The following GLMN variants were observed in gnomAD, a reference collection of about 807,000 sequenced individuals.
GLMN encodes glomulin, FKBP associated protein.
In GLMN, 75 loss-of-function variants were observed where a neutral mutation model predicts 87.8. That is an observed-to-expected ratio of 0.85 (90% CI 0.71 to 1.04). The LOEUF is 1.04. Ranked by LOEUF, GLMN falls within the 50% of genes least tolerant of loss-of-function variation. The pLI is 0.00. For missense variants in GLMN, 588 were observed against 658.8 expected, an observed-to-expected ratio of 0.89 and a Z score of 1.18; for synonymous variants, 206 against 221.6, an observed-to-expected ratio of 0.93 and a Z score of 0.63.
At chr1:92,288,620 G>T (rs921966126) in intron 6 of GLMN, among the ~76,000 whole-genome samples, 8 of 151,712 alleles carry the variant, frequency 5.3e-5, no homozygotes, top group Non-Finnish European at 1.0e-4. Flanking sequence ...TAGAGATGGG[G>T]GTCTCACTAT....
chr1:92,350,915 G>A, the GLMN span, among the ~76,000 whole-genome samples: 1 of 150,364 alleles, frequency 6.7e-6, no homozygotes, highest in Admixed American at 6.6e-5. Flanking sequence ...CTGGGCGACA[G>A]AGCAAGACTC....
chr1:92,313,512 A>G, the GLMN span, among the ~76,000 whole-genome samples: 1 of 151,262 alleles, frequency 6.6e-6, no homozygotes, highest in South Asian at 2.1e-4. Context: ...TGCTGTAAAC[A>G]GATGTGCAGT....
At chr1:92,257,852 G>A (rs1654466956) in intron 16 of GLMN, among the ~76,000 whole-genome samples, 1 of 152,006 alleles carries the variant, frequency 6.6e-6, no homozygotes, top group African/African-American at 2.4e-5. Context: ...CATAGACATG[G>A]GCAAAGACTT....
intron 16 of GLMN, among the ~76,000 whole-genome samples, chr1:92,254,987 A>C (rs1654027036): frequency 1.3e-5 from 2 of 152,182 alleles, no homozygotes; most frequent in African/African-American, 4.8e-5. Flanking sequence ...GTCAAGACCC[A>C]TCAGTGTGCT....
the GLMN span, among the ~76,000 whole-genome samples, chr1:92,306,904 TA>T: frequency 3.9e-5 from 6 of 152,186 alleles, no homozygotes; most frequent in African/African-American, 1.4e-4. Flanking sequence ...GAATATTTTT[TA>T]ATAGGGATAT....
At chr1:92,288,116 T>C (rs1328513161) in intron 6 of GLMN, among the ~76,000 whole-genome samples, 1 of 152,044 alleles carries the variant, frequency 6.6e-6, no homozygotes, top group Non-Finnish European at 1.5e-5. Flanking sequence ...GGACCAGCCA[T>C]ATGTCAAGTG....
At chr1:92,248,958 T>C (rs1219381573) in intron 16 of GLMN, among the ~76,000 whole-genome samples, 1 of 152,110 alleles carries the variant, frequency 6.6e-6, no homozygotes, top group East Asian at 1.9e-4. Flanking sequence ...CTTGGGGAAA[T>C]AAAGATGTAT....
At chr1:92,296,858 A>G (rs1027942925) in intron 3 of GLMN, among the ~76,000 whole-genome samples, 17 of 152,312 alleles carry the variant, frequency 1.1e-4, no homozygotes, top group Non-Finnish European at 2.1e-4. Flanking sequence ...TTGGTTTTCC[A>G]TACACATTTG....
At chr1:92,264,306 CCT>C (rs1429197996) in intron 14 of GLMN, among the ~76,000 whole-genome samples, 1 of 151,836 alleles carries the variant, frequency 6.6e-6, no homozygotes, top group Non-Finnish European at 1.5e-5. Flanking sequence ...GGCGTGAAAC[CCT>C]GTCTCAAAAA....
upstream of GLMN, among the ~76,000 whole-genome samples, chr1:92,299,727 C>T (rs982692967): frequency 2.6e-5 from 4 of 152,172 alleles, no homozygotes; most frequent in East Asian, 5.8e-4. Context: ...ACAAATTGCT[C>T]TCCCTTCCTA....
Position 92,246,518 on chromosome 1 carries a change from G to A in GLMN, c.*12C>T, listed in dbSNP as rs1557496208. ...CTATATTTTATTAGTTTTTATTTAGGAAATGGAACTTTCACTTTATCCCAA... is the reference window on the plus strand; with the variant it reads ...CTATATTTTATTAGTTTTTATTTAGAAAATGGAACTTTCACTTTATCCCAA... On this transcript the variant is annotated 3_prime_UTR_variant, in exon 19 of 19. Transcript: ENST00000370360. The A allele has an allele frequency of 2.8e-6, 3 of 1,072,854 alleles. No homozygotes were observed. Among genetic ancestry groups the A allele is most frequent in the Non-Finnish European group, 4.4e-6 (3 of 687,074 alleles). The allele number at this position is 1,072,854 out of a possible 1,614,324, so 66.5% of individuals were successfully genotyped here.
the GLMN span, among the ~76,000 whole-genome samples, chr1:92,320,368 G>A: frequency 1.3e-5 from 2 of 152,124 alleles, no homozygotes; most frequent in African/African-American, 4.8e-5. Flanking sequence ...TGTCTCCCTG[G>A]TTCAAGCGAT....
chr1:92,279,595 G>A (rs918504459), intron 7 of GLMN, among the ~76,000 whole-genome samples: 2 of 150,538 alleles, frequency 1.3e-5, no homozygotes, highest in African/African-American at 4.9e-5. Context: ...TCACCTCACT[G>A]GGACTGGTTG....
intron 11 of GLMN, 61 bp from the exon 12 acceptor site, chr1:92,266,802 A>C (rs1356258502): frequency 2.0e-6 from 2 of 998,112 alleles, no homozygotes; most frequent in Non-Finnish European, 3.2e-6. Context: ...CAAACAAACA[A>C]CTATAATACA....
At chr1:92,260,976 A>G (rs1654977950) in intron 16 of GLMN, among the ~76,000 whole-genome samples, 1 of 152,172 alleles carries the variant, frequency 6.6e-6, no homozygotes, top group Non-Finnish European at 1.5e-5. Flanking sequence ...TAACACACCT[A>G]TCAATCCTAA....
chr1:92,300,596 A>G (rs1650769872), upstream of GLMN, among the ~76,000 whole-genome samples: 1 of 152,246 alleles, frequency 6.6e-6, no homozygotes, highest in African/African-American at 2.4e-5. Context: ...TGTTACATCA[A>G]GTCCAGATTT....
At chr1:92,356,721 C>T in the GLMN span, among the ~76,000 whole-genome samples, 1 of 151,602 alleles carries the variant, frequency 6.6e-6, no homozygotes, top group Non-Finnish European at 1.5e-5. Flanking sequence ...AGGCATGAGC[C>T]ACCACACCTG....
At chr1:92,259,141 CAGAT>C (rs1411740569) in intron 16 of GLMN, among the ~76,000 whole-genome samples, 6 of 151,964 alleles carry the variant, frequency 3.9e-5, no homozygotes, top group African/African-American at 9.7e-5. Flanking sequence ...GATGAGTAAA[CAGAT>C]GGATGGGAAA....
the GLMN span, among the ~76,000 whole-genome samples, chr1:92,310,368 G>A: frequency 3.3e-5 from 5 of 152,214 alleles, no homozygotes; most frequent in East Asian, 5.8e-4. Context: ...AGCTTGTCTA[G>A]CTATTGCACA....
Sources: allele counts gnomAD v4.1 joint callset (sites outside exome capture counted in the v4.1 genomes callset), GRCh38; gene constraint gnomAD v4.1.1; transcripts MANE v1.5; gene names NCBI Gene and HGNC (gene_info 2026-07-23, HGNC 2026-07-21).